The following PCDHA7 variants were observed in gnomAD, a reference collection of about 807,000 sequenced individuals.
PCDHA7 encodes the protein protocadherin alpha 7.
A neutral mutation model predicts 57.2 loss-of-function variants in PCDHA7; 37 were observed. The ratio of observed to expected loss-of-function variants is 0.65; its 90% CI spans 0.50 to 0.85. PCDHA7 has a LOEUF of 0.85. Among genes scored for constraint, PCDHA7 ranks in the 40% least tolerant of loss-of-function variants. The pLI, the probability that PCDHA7 is intolerant of heterozygous loss-of-function variation, is 0.00. For missense variants in PCDHA7, 1,188 were observed against 1,241.8 expected (o/e 0.96, Z 0.65); for synonymous variants, 553 against 558.8 (o/e 0.99, Z 0.15).
At chr5:140,871,703 A>G (rs1202166124) in intron 1 of PCDHA7, 9 of 879,148 alleles carry the variant, frequency 1.0e-5, no homozygotes, top group African/African-American at 1.7e-5. Context: ...TTTAACCAAT[A>G]AATGTCCTAT....
At chr5:140,984,281 C>G (rs574169465) in intron 3 of PCDHA7, among the ~76,000 whole-genome samples, 32 of 152,336 alleles carry the variant, frequency 2.1e-4, no homozygotes, top group African/African-American at 7.5e-4. Context: ...AATACATTCT[C>G]CCTCCCATTG....
intron 1 of PCDHA7, among the ~76,000 whole-genome samples, chr5:140,904,951 T>C (rs1468765932): frequency 6.6e-6 from 1 of 152,188 alleles, no homozygotes; most frequent in Non-Finnish European, 1.5e-5. Context: ...GTCCTTTGTC[T>C]GATGCAGAAT....
chr5:140,999,934 T>C (rs1236304987), intron 3 of PCDHA7, among the ~76,000 whole-genome samples: 1 of 152,068 alleles, frequency 6.6e-6, no homozygotes, highest in Non-Finnish European at 1.5e-5. Context: ...GCTCAACTCA[T>C]TCCACCCAAA....
chr5:140,875,381 A>G, intron 1 of PCDHA7: 7 of 1,461,296 alleles, frequency 4.8e-6, no homozygotes, highest in Non-Finnish European at 6.3e-6. Flanking sequence ...CTAAATATGT[A>G]CTTACAGAAA....
rs1483756278 is a variant in PCDHA7, at chr5:140,982,223, T to TA, written c.2415-246dup. On this transcript the variant is annotated intron_variant, in intron 2 of 3. Transcript: ENST00000525929. Reference sequence around the variant, plus strand: ...TTTAGTGAGCGCCACATGGCGTTAATAAAAAACAGAATTGCCATAAAGATA... The same window carrying TA: ...TTTAGTGAGCGCCACATGGCGTTAATAAAAAAACAGAATTGCCATAAAGATA... 8.6e-6 allele frequency: 5 copies of TA among 580,096 alleles called. No homozygotes were observed. In the East Asian group the frequency reaches 1.2e-4, roughly 14 times the overall value. The allele number at this position is 580,096 out of a possible 1,614,324, so 35.9% of individuals were successfully genotyped here. A position where few individuals can be genotyped will look rare whatever the true frequency, so the allele number is the denominator to read the frequency against.
chr5:140,932,608 T>C (rs573580763), intron 1 of PCDHA7, among the ~76,000 whole-genome samples: 1 of 151,996 alleles, frequency 6.6e-6, no homozygotes, highest in African/African-American at 2.4e-5. Flanking sequence ...TATTTTGACT[T>C]TGAAGCTGAT....
At chr5:140,955,989 A>C (rs2095245782) in intron 1 of PCDHA7, among the ~76,000 whole-genome samples, 1 of 152,172 alleles carries the variant, frequency 6.6e-6, no homozygotes, top group Non-Finnish European at 1.5e-5. Flanking sequence ...ATTTTTGCAC[A>C]TTGATTTTGT....
intron 1 of PCDHA7, chr5:140,855,953 TA>T: frequency 7.2e-7 from 1 of 1,381,088 alleles, no homozygotes; most frequent in Non-Finnish European, 9.9e-7. Context: ...GCCATTTCGA[TA>T]AAAAATAGAT....
chr5:140,941,190 TTTTTCTTTCTTC>T (rs1475511565), intron 1 of PCDHA7, among the ~76,000 whole-genome samples: 3 of 129,438 alleles, frequency 2.3e-5, no homozygotes, highest in South Asian at 2.5e-4. Context: ...TGCTTCTTTT[TTTTTCTTTCTTC>T]CTTTCTTTCT....
chr5:140,901,244 T>C (rs1166862455), intron 1 of PCDHA7, among the ~76,000 whole-genome samples: 3 of 152,212 alleles, frequency 2.0e-5, no homozygotes, highest in Non-Finnish European at 4.4e-5. Context: ...TTTTTTCCTT[T>C]GGTTCCCTGT....
At chr5:140,892,324 C>T (rs1158961031) in intron 1 of PCDHA7, among the ~76,000 whole-genome samples, 3 of 152,308 alleles carry the variant, frequency 2.0e-5, no homozygotes, top group Non-Finnish European at 4.4e-5. Context: ...CATTTTCTTT[C>T]TCCAGAATGG....
chr5:140,967,087 G>T (rs782556858), intron 1 of PCDHA7: 2 of 1,613,138 alleles, frequency 1.2e-6, no homozygotes, highest in East Asian at 4.5e-5. Flanking sequence ...GCATTGATCG[G>T]GAGGCGCTGT....
chr5:140,885,941 T>G (rs2060783691), intron 1 of PCDHA7, among the ~76,000 whole-genome samples: 1 of 152,196 alleles, frequency 6.6e-6, no homozygotes, highest in Non-Finnish European at 1.5e-5. Flanking sequence ...TTTTTTGACA[T>G]TTTTAATTAA....
intron 1 of PCDHA7, among the ~76,000 whole-genome samples, chr5:140,972,181 AC>A: frequency 6.6e-6 from 1 of 152,234 alleles, no homozygotes; most frequent in Admixed American, 6.5e-5. Flanking sequence ...TTGGCCTGTC[AC>A]CCAGGCTGGA....
intron 1 of PCDHA7, chr5:140,861,340 C>T (rs1364602007): frequency 3.6e-6 from 1 of 276,532 alleles, no homozygotes; most frequent in African/African-American, 2.2e-5. Context: ...TGGAAGAGGC[C>T]AAGGACGGCA....
At position 140,836,197 on chromosome 5, in the gene PCDHA7, C is replaced by A. The variant is rs2150255199; in HGVS notation, c.1814C>A (p.Ala605Glu). 1 of 1,613,818 alleles carries A rather than the reference C, an allele frequency of 6.2e-7. No individual in the cohort carries two copies. Reference protein sequence around the residue: ...RAVDADSGYNAWLSYELQPVA... With the variant: ...RAVDADSGYNEWLSYELQPVA... Reference sequence around the variant, plus strand: ...GTTGACGCTGACTCAGGCTACAACGCGTGGCTTTCGTATGAGTTGCAACCG... The same window carrying A: ...GTTGACGCTGACTCAGGCTACAACGAGTGGCTTTCGTATGAGTTGCAACCG... The change falls in exon 1 of 4, where the codon GCG becomes GAG. Residue 605 changes from alanine (A) to glutamate (E), a missense_variant. Around this residue, in one of 3 missense-constraint regions of PCDHA7, gnomAD observed 892 missense variants for 788.5 expected, o/e 1.13. Transcript: ENST00000525929.
chr5:140,852,296 G>C, intron 1 of PCDHA7: 1 of 460,598 alleles, frequency 2.2e-6, no homozygotes, highest in South Asian at 9.2e-5. Flanking sequence ...TTATTTTTCT[G>C]AGACGGAGTC....
In PCDHA7 at chr5:140,857,166, T is replaced by A. The variant is rs1554149611; in HGVS notation, c.2355+20428T>A. ...GGCACCGTCATTGCCCTAATCAGCG[T>A]TTCTGACCATGATTCAGGAGCCAAC... On this transcript the variant is annotated intron_variant, in intron 1 of 3. Transcript: ENST00000525929. 3.1e-6 allele frequency: 5 copies of A among 1,598,172 alleles called. No homozygotes were observed. The African/African-American group carries it at 5.4e-5, about 17-fold the overall frequency.
In PCDHA7 at chr5:140,837,849, AT is replaced by A. The variant is rs2150280154; in HGVS notation, c.2355+1115del. On this transcript the variant is annotated intron_variant, in intron 1 of 3. Coordinates refer to ENST00000525929, the MANE Select transcript of PCDHA7 (RefSeq NM_018910.3). The stretch of plus-strand genomic sequence containing the variant: ...CATGTCATTGTGCCTGGCTAATTTT[AT>A]TTTATTTTTGTAGAGACAGGGTGGA... Among the ~76,000 whole-genome samples the A allele has an allele frequency of 1.1e-3, 172 of 150,974 alleles. 2 individuals are homozygous for A. Among genetic ancestry groups the A allele is most frequent in the African/African-American group, 4.1e-3 (169 of 41,040 alleles).
Sources: gnomAD v4.1 joint callset for allele counts (sites outside exome capture counted in the v4.1 genomes callset) on GRCh38, gnomAD v4.1.1 for gene constraint, gnomAD v4.1.1 regional missense constraint, MANE v1.5 for transcripts, NCBI Gene and HGNC (gene_info 2026-07-23, HGNC 2026-07-21) for gene names.